ARIH1: variants seen among roughly 807,000 people sequenced by gnomAD.
ARIH1 encodes the protein ariadne RBR E3 ubiquitin protein ligase 1.
A neutral mutation model predicts 85.0 loss-of-function variants in ARIH1; 8 were observed. The ratio of observed to expected loss-of-function variants is 0.09; its 90% confidence interval spans 0.06 to 0.17. The LOEUF (loss-of-function observed/expected upper bound fraction) is 0.17. ARIH1 is among the 10% of genes least tolerant of loss of function. ARIH1 has a pLI of 1.00. For missense variants in ARIH1, 311 were observed against 718.1 expected, an observed-to-expected ratio of 0.43 and a Z score of 6.48; for synonymous variants, 238 against 253.6, an observed-to-expected ratio of 0.94 and a Z score of 0.59.
At position 72,600,956 on chromosome 15, in the gene ARIH1, T is replaced by C. The variant is rs2064380267; in HGVS notation, c.*17664T>C. The C allele has an allele frequency of 6.6e-6, 1 of 152,226 alleles. No individual in the cohort carries two copies. The allele number at this position is 152,226 out of a possible 1,614,324, so 9.4% of individuals were successfully genotyped here. On this transcript the variant is annotated 3_prime_UTR_variant, in exon 14 of 14. Coordinates refer to ENST00000379887, the MANE Select transcript of ARIH1 (RefSeq NM_005744.5). ...CATATTGGGAAACAGCCTCATGAGC[T>C]TTCTACAAACATCTTTGTCCTTAAG...
intron 3 of ARIH1, among the ~76,000 whole-genome samples, chr15:72,553,817 T>C (rs1197167649): frequency 6.6e-6 from 1 of 152,150 alleles, no homozygotes; most frequent in Non-Finnish European, 1.5e-5. Flanking sequence ...TTTGGGAGAC[T>C]GAGGCAGAAG....
At chr15:72,524,133 G>T (rs539237946) in intron 2 of ARIH1, among the ~76,000 whole-genome samples, 43 of 151,842 alleles carry the variant, frequency 2.8e-4, no homozygotes, top group Admixed American at 5.9e-4. Context: ...ATTTTTAGTA[G>T]AGACGGGGTT....
At chr15:72,527,744 A>G (rs2064037042) in intron 2 of ARIH1, among the ~76,000 whole-genome samples, 1 of 152,168 alleles carries the variant, frequency 6.6e-6, no homozygotes, top group Non-Finnish European at 1.5e-5. Context: ...TCAAAACTCA[A>G]GTTAACCTTT....
chr15:72,536,033 T>G (rs1008540729), intron 2 of ARIH1, among the ~76,000 whole-genome samples: 40 of 152,242 alleles, frequency 2.6e-4, no homozygotes, highest in Non-Finnish European at 1.5e-4. Flanking sequence ...AATTACAAAT[T>G]TATGTGTTTG....
At chr15:72,485,588 AC>A (rs1468939664) in intron 1 of ARIH1, among the ~76,000 whole-genome samples, 2 of 151,876 alleles carry the variant, frequency 1.3e-5, no homozygotes, top group African/African-American at 4.8e-5. Context: ...TGTTCTTAGT[AC>A]CTGTAGCACC....
intron 4 of ARIH1, 76 bp from the exon 5 acceptor site, chr15:72,555,776 G>A: frequency 7.9e-7 from 1 of 1,270,114 alleles, no homozygotes; most frequent in Non-Finnish European, 1.1e-6. Flanking sequence ...CCAGAACCTA[G>A]CAAAGTGCCT....
chr15:72,580,509 A>G, intron 11 of ARIH1: 2 of 514,078 alleles, frequency 3.9e-6, no homozygotes, highest in Non-Finnish European at 3.4e-6. Flanking sequence ...ACCTCCCCAT[A>G]CCATTTTCCA....
chr15:72,572,345 C>T (rs1218540230), intron 11 of ARIH1, 180 bp downstream of exon 11: 2 of 458,254 alleles, frequency 4.4e-6, no homozygotes, highest in East Asian at 3.9e-5. Context: ...TCAAGTGATT[C>T]TCCTGCCTCA....
intron 6 of ARIH1, among the ~76,000 whole-genome samples, chr15:72,562,623 T>G (rs1024489632): frequency 6.6e-6 from 1 of 151,790 alleles, no homozygotes; most frequent in African/African-American, 2.4e-5. Flanking sequence ...TTTTTCCTTC[T>G]TACAAGAGCT....
chr15:72,482,861 G>A (rs1333366257), intron 1 of ARIH1, among the ~76,000 whole-genome samples: 4 of 115,098 alleles, frequency 3.5e-5, no homozygotes, highest in African/African-American at 5.9e-5. Context: ...TTTTTTTAAA[G>A]ACAGAGGCTT....
chr15:72,596,321 T>C lies in ARIH1; in HGVS notation c.*13029T>C, dbSNP rs766845084. On this transcript the variant is annotated 3_prime_UTR_variant, in exon 14 of 14. Coordinates refer to ENST00000379887, the MANE Select transcript of ARIH1 (RefSeq NM_005744.5). The stretch of plus-strand genomic sequence containing the variant: ...CTCATTTGTTTCTGGTGAGAAGTCA[T>C]TCATCATTTTAATTTTTATTTCCTT... The C allele has an allele frequency of 1.3e-5, 2 of 152,212 alleles. No homozygotes were observed. Among genetic ancestry groups the C allele is most frequent in the Non-Finnish European group, 2.9e-5 (2 of 68,028 alleles). 9.4% of individuals were successfully genotyped at this position (152,212 alleles called of 1,614,324 possible). A position where few individuals can be genotyped will look rare whatever the true frequency, so the allele number is the denominator to read the frequency against.
intron 1 of ARIH1, among the ~76,000 whole-genome samples, chr15:72,500,988 T>C (rs1428376201): frequency 6.6e-6 from 1 of 152,238 alleles, no homozygotes; most frequent in African/African-American, 2.4e-5. Context: ...TCAGGAAGTT[T>C]ATGTAGACGT....
intron 1 of ARIH1, among the ~76,000 whole-genome samples, chr15:72,492,478 A>C (rs749803982): frequency 6.6e-6 from 1 of 152,238 alleles, no homozygotes; most frequent in Non-Finnish European, 1.5e-5. Flanking sequence ...TTTAACTTCA[A>C]ATGTGAGAAA....
chr15:72,500,052 A>G (rs940258858), intron 1 of ARIH1, among the ~76,000 whole-genome samples: 3 of 151,972 alleles, frequency 2.0e-5, no homozygotes, highest in Non-Finnish European at 4.4e-5. Context: ...TGCCTTCTGC[A>G]TTCACTGTTG....
In ARIH1 at chr15:72,515,356, T is replaced by A. The variant is rs148118342; in HGVS notation, c.376-2711T>A. Among the ~76,000 whole-genome samples, 1,237 of 152,054 alleles carry A rather than the reference T, an allele frequency of 8.1e-3. 12 individuals carry two copies. The highest frequency in any genetic ancestry group is 0.028 in the African/African-American group (1,181 of 41,470). On this transcript the variant is annotated intron_variant, in intron 1 of 13. Transcript: ENST00000379887. ...CGTCTCGAAAAATAAAAAATAAAAA[T>A]AAAAAAATATAAAATAACTGCTTTA...
At chr15:72,525,876 A>G (rs1207945310) in intron 2 of ARIH1, among the ~76,000 whole-genome samples, 1 of 152,072 alleles carries the variant, frequency 6.6e-6, no homozygotes, top group African/African-American at 2.4e-5. Flanking sequence ...CCTAGACACA[A>G]GCGATCCTCT....
At position 72,544,947 on chromosome 15, in the gene ARIH1, T is replaced by G. The variant is rs1000868639; in HGVS notation, c.571T>G (p.Leu191Val). 1.2e-6 allele frequency: 2 copies of G among 1,604,426 alleles called. No homozygotes were observed. Among genetic ancestry groups the G allele is most frequent in the Non-Finnish European group, 1.7e-6 (2 of 1,173,054 alleles). ...AQDMPCQICY[L>V]NYPNSYFTGL... is the part of the protein sequence containing the mutation. ...GGATATGCCTTGTCAGATCTGCTAC[T>G]TGAACTACCCTAACTCGGTGAGTAT... Residue 191 changes from leucine to valine, a missense_variant, in exon 3 of 14, where the codon TTG (leucine) becomes GTG (valine). Coordinates refer to ENST00000379887, the MANE Select transcript of ARIH1 (RefSeq NM_005744.5).
At chr15:72,579,023 A>G (rs571538897) in intron 11 of ARIH1, among the ~76,000 whole-genome samples, 314 of 152,202 alleles carry the variant, frequency 2.1e-3, no homozygotes, top group African/African-American at 7.1e-3. Context: ...AGCTCAGGCA[A>G]TCCACCCGCC....
intron 2 of ARIH1, among the ~76,000 whole-genome samples, chr15:72,542,849 G>A (rs1331483546): frequency 6.6e-6 from 1 of 151,690 alleles, no homozygotes; most frequent in East Asian, 1.9e-4. Flanking sequence ...AAGGTGTTTA[G>A]CTGGTTTATG....
Sources: gnomAD v4.1 joint callset for allele counts (sites outside exome capture counted in the v4.1 genomes callset) on GRCh38, gnomAD v4.1.1 for gene constraint, MANE v1.5 for transcripts, NCBI Gene and HGNC (gene_info 2026-07-23, HGNC 2026-07-21) for gene names.